METTL8: variants seen among roughly 807,000 people sequenced by gnomAD.
METTL8 encodes the protein tRNA N(3)-cytidine methyltransferase METTL8, mitochondrial.
A neutral mutation model predicts 48.7 loss-of-function variants in METTL8; 32 were observed. The observed-to-expected ratio is 0.66, with a 90% CI of 0.50 to 0.88. The LOEUF (loss-of-function observed/expected upper bound fraction) is 0.88, where lower values mean the gene tolerates loss of function less well. Ranked by LOEUF, METTL8 falls within the 40% of genes least tolerant of loss-of-function variation. METTL8 has a pLI of 0.00. For missense variants in METTL8, 464 were observed against 474.4 expected (o/e 0.98, Z 0.20); for synonymous variants, 136 against 157.1 (o/e 0.87, Z 1.01).
chr2:171,345,049 T>C (rs1217944513), intron 3 of METTL8, among the ~76,000 whole-genome samples: 2 of 152,206 alleles, frequency 1.3e-5, no homozygotes, highest in Non-Finnish European at 2.9e-5. Flanking sequence ...GGTGTATTAA[T>C]GACAAATTTT....
intron 3 of METTL8, among the ~76,000 whole-genome samples, chr2:171,354,120 T>C (rs991374986): frequency 3.3e-5 from 5 of 152,352 alleles, no homozygotes; most frequent in African/African-American, 7.2e-5. Context: ...CCATGTTTAG[T>C]GCTTCCTTCA....
chr2:171,377,444 A>AC (rs1574047558), intron 2 of METTL8, among the ~76,000 whole-genome samples: 1 of 152,240 alleles, frequency 6.6e-6, no homozygotes, highest in East Asian at 1.9e-4. Context: ...AGCAGAGTAA[A>AC]CAGACAACCC....
At chr2:171,395,643 G>C (rs1054946646) in intron 1 of METTL8, among the ~76,000 whole-genome samples, 39 of 152,126 alleles carry the variant, frequency 2.6e-4, no homozygotes, top group African/African-American at 9.4e-4. Context: ...AGACAACATA[G>C]CAGTCTTAAC....
At chr2:171,400,503 A>G (rs575812261) in intron 1 of METTL8, among the ~76,000 whole-genome samples, 1 of 152,260 alleles carries the variant, frequency 6.6e-6, no homozygotes, top group Non-Finnish European at 1.5e-5. Context: ...TCAAATAGCA[A>G]GCAATGCCAT....
intron 1 of METTL8, among the ~76,000 whole-genome samples, chr2:171,416,599 T>C (rs903387660): frequency 2.6e-5 from 4 of 152,272 alleles, no homozygotes; most frequent in African/African-American, 9.6e-5. Flanking sequence ...TAGCCTTTAC[T>C]CTGGTTGAAA....
intron 3 of METTL8, among the ~76,000 whole-genome samples, chr2:171,344,378 C>T (rs1186677717): frequency 1.3e-5 from 2 of 152,202 alleles, no homozygotes; most frequent in African/African-American, 4.8e-5. Context: ...CATTACACTA[C>T]ACTGCCTCCC....
chr2:171,374,339 GA>G lies in METTL8; in HGVS notation c.144-13827del, dbSNP rs201060772. Among the ~76,000 whole-genome samples the G allele has an allele frequency of 1.4e-3, 209 of 152,224 alleles. 3 individuals are homozygous for G. In the East Asian group the frequency reaches 0.014, roughly 10 times the overall value. ...GGTACAATAATTTCTTAACAAAAAT[GA>G]GGTCATACTGGAGAAAATTCTCTTC... On this transcript the variant is annotated intron_variant, in intron 2 of 9. Transcript: ENST00000375258.
chr2:171,327,910 G>A (rs1219453652), intron 7 of METTL8, among the ~76,000 whole-genome samples: 2 of 152,092 alleles, frequency 1.3e-5, no homozygotes, highest in African/African-American at 2.4e-5. Flanking sequence ...AGTAAAACAA[G>A]TATGAAACTA....
At chr2:171,372,475 T>A (rs1192477461) in intron 2 of METTL8, among the ~76,000 whole-genome samples, 1 of 151,924 alleles carries the variant, frequency 6.6e-6, no homozygotes, top group Non-Finnish European at 1.5e-5. Context: ...TACAATAATT[T>A]CTTTTTATTA....
intron 1 of METTL8, among the ~76,000 whole-genome samples, chr2:171,426,325 G>A (rs1297900752): frequency 6.6e-6 from 1 of 152,048 alleles, no homozygotes; most frequent in African/African-American, 2.4e-5. Context: ...ATATAGACAA[G>A]CTATAGAAGA....
chr2:171,409,794 GA>G (rs1255061401), intron 1 of METTL8, among the ~76,000 whole-genome samples: 1 of 152,168 alleles, frequency 6.6e-6, no homozygotes, highest in African/African-American at 2.4e-5. Flanking sequence ...CTGATTCCTA[GA>G]CTACAGCCCC....
intron 3 of METTL8, among the ~76,000 whole-genome samples, chr2:171,345,733 T>G (rs1240813517): frequency 6.6e-6 from 1 of 152,174 alleles, no homozygotes; most frequent in African/African-American, 2.4e-5. Flanking sequence ...TTACAGGATA[T>G]TTTAAAGTAA....
At chr2:171,353,299 G>C in intron 3 of METTL8, among the ~76,000 whole-genome samples, 1 of 152,176 alleles carries the variant, frequency 6.6e-6, no homozygotes, top group East Asian at 1.9e-4. Flanking sequence ...TCTTAATCCT[G>C]AGTTCTAGTT....
At position 171,333,617 on chromosome 2, in the gene METTL8, C is replaced by G. The variant is rs116521836; in HGVS notation, c.657-1750G>C. 3.4e-3 allele frequency among the ~76,000 whole-genome samples: 511 copies of G among 152,300 alleles called. 1 individual carries two copies. Among genetic ancestry groups the G allele is most frequent in the Admixed American group, 7.3e-3 (111 of 15,296 alleles). On this transcript the variant is annotated intron_variant, in intron 5 of 9. Coordinates refer to ENST00000375258, the MANE Select transcript of METTL8 (RefSeq NM_001321154.2). The stretch of plus-strand genomic sequence containing the variant: ...TCATCTGTCAAACATAAAAATAGCA[C>G]TTTACTTCAGCATGTTCCCCTGTTT...
chr2:171,339,457 A>G lies in METTL8; in HGVS notation c.333T>C (p.Phe111=), dbSNP rs763374084. The change falls in exon 4 of 10, where the codon TTT becomes TTC. Residue 111 remains phenylalanine (F), a synonymous_variant. Transcript: ENST00000375258. ...TTTGATCAACTGGAAGAATTTCAGG[A>G]AATTCCCTCAACAGCCAATTACGAT... ...FKDRNWLLRE[F]PEILPVDQKP... The G allele has an allele frequency of 1.2e-6, 2 of 1,613,710 alleles. No individual in the cohort carries two copies. The highest frequency in any genetic ancestry group is 1.7e-6 in the Non-Finnish European group (2 of 1,179,778).
chr2:171,360,909 C>G (rs1259288770), intron 2 of METTL8, among the ~76,000 whole-genome samples: 1 of 152,194 alleles, frequency 6.6e-6, no homozygotes, highest in Non-Finnish European at 1.5e-5. Flanking sequence ...TCTTACAACA[C>G]TTGTATTCTA....
intron 3 of METTL8, among the ~76,000 whole-genome samples, chr2:171,356,330 G>A (rs1205037428): frequency 2.6e-5 from 4 of 152,088 alleles, no homozygotes; most frequent in Non-Finnish European, 5.9e-5. Flanking sequence ...GTAGAGATAG[G>A]GTTTCACCAT....
At chr2:171,430,187 G>C (rs982681947) in intron 1 of METTL8, among the ~76,000 whole-genome samples, 3 of 152,028 alleles carry the variant, frequency 2.0e-5, no homozygotes, top group Middle Eastern at 6.8e-3. Flanking sequence ...GTGAAACCCC[G>C]TCTCTACTAA....
chr2:171,383,977 T>C (rs1256993009), intron 2 of METTL8, among the ~76,000 whole-genome samples: 1 of 152,122 alleles, frequency 6.6e-6, no homozygotes, highest in Non-Finnish European at 1.5e-5. Context: ...AACAAGAACA[T>C]AGTTCACCCA....
Sources: allele counts gnomAD v4.1 joint callset (sites outside exome capture counted in the v4.1 genomes callset), GRCh38; gene constraint gnomAD v4.1.1; transcripts MANE v1.5; gene names NCBI Gene and HGNC (gene_info 2026-07-23, HGNC 2026-07-21).